DSN1: variants seen among roughly 807,000 people sequenced by gnomAD.
The protein encoded by DSN1 is DSN1 component of MIS12 kinetochore complex.
DSN1 carries 31 observed loss-of-function variants against 45.7 expected under a neutral mutation model. That is an observed-to-expected ratio of 0.68 (90% CI 0.51 to 0.92). DSN1 has a LOEUF of 0.92. Ranked by LOEUF, DSN1 falls within the 40% of genes least tolerant of loss-of-function variation. DSN1 has a pLI of 0.00. For synonymous variants in DSN1, 134 were observed against 142.3 expected, an observed-to-expected ratio of 0.94 and a Z score of 0.41; for missense variants, 394 against 414.2, an observed-to-expected ratio of 0.95 and a Z score of 0.42.
chr20:36,771,335 C>A, intron 2 of DSN1, 90 bp downstream of exon 2: 1 of 1,514,562 alleles, frequency 6.6e-7, no homozygotes, highest in Admixed American at 1.9e-5. Context: ...GTATGTGATT[C>A]CAAATCTACC....
At chr20:36,763,914 A>C (rs1378443602) in intron 5 of DSN1, among the ~76,000 whole-genome samples, 5 of 133,918 alleles carry the variant, frequency 3.7e-5, no homozygotes, top group Non-Finnish European at 6.4e-5. Context: ...AAAAAAAAGA[A>C]AGACAGAAAA....
intron 6 of DSN1, among the ~76,000 whole-genome samples, chr20:36,761,904 G>C (rs1000485227): frequency 1.3e-5 from 2 of 151,872 alleles, no homozygotes; most frequent in Non-Finnish European, 2.9e-5. Context: ...AGCTACCTGG[G>C]AGGCTGAGGC....
intron 1 of DSN1, 135 bp from the exon 2 acceptor site, chr20:36,771,608 GAATATC>G: frequency 1.4e-6 from 1 of 693,528 alleles, no homozygotes; most frequent in Non-Finnish European, 2.4e-6. Flanking sequence ...CCCTGACAGA[GAATATC>G]AGCAGGGGCC....
rs33998027 is a variant in DSN1 at position 36,765,247 on chromosome 20, TAAAA to T, written c.502+1518_502+1521del. On this transcript the variant is annotated intron_variant, in intron 5 of 10. Coordinates refer to ENST00000373750, the MANE Select transcript of DSN1 (RefSeq NM_001145315.2). ...TGCATACGTGCCAAAAGGCTTGTGT[TAAAA>T]AAAAAAAAAAAAAAAAAAAAAAGGC... Among the ~76,000 whole-genome samples the T allele has an allele frequency of 1.9e-4, 14 of 75,276 alleles. No individual in the cohort carries two copies. The Admixed American group carries it at 1.9e-3, about 10-fold the overall frequency. 49.4% of individuals were successfully genotyped at this position (75,276 alleles called of 152,430 possible). A position where few individuals can be genotyped will look rare whatever the true frequency, so the allele number is the denominator to read the frequency against.
chr20:36,760,315 C>T (rs1384017356), intron 6 of DSN1, among the ~76,000 whole-genome samples: 3 of 152,154 alleles, frequency 2.0e-5, no homozygotes, highest in Admixed American at 1.3e-4. Flanking sequence ...AAAGTCAAAA[C>T]TCCTTAACCT....
At chr20:36,758,797 C>T (rs1986814455) in intron 6 of DSN1, among the ~76,000 whole-genome samples, 180 bp from the exon 7 acceptor site, 1 of 152,192 alleles carries the variant, frequency 6.6e-6, no homozygotes, top group Non-Finnish European at 1.5e-5. Flanking sequence ...AACAGATTCT[C>T]CTGCCTTAGC....
chr20:36,752,965 G>T, intron 10 of DSN1, 68 bp from the exon 11 acceptor site: 2 of 1,294,458 alleles, frequency 1.5e-6, no homozygotes, highest in Non-Finnish European at 2.2e-6. Context: ...AAAACTTAAT[G>T]TAGGGACATT....
intron 5 of DSN1, among the ~76,000 whole-genome samples, chr20:36,763,319 C>T (rs1234061374): frequency 6.9e-6 from 1 of 145,698 alleles, no homozygotes; most frequent in Non-Finnish European, 1.5e-5. Context: ...GCAGGGGAAT[C>T]GCTTGAACCT....
At chr20:36,761,465 G>A (rs1986976829) in intron 6 of DSN1, among the ~76,000 whole-genome samples, 1 of 152,154 alleles carries the variant, frequency 6.6e-6, no homozygotes, top group Non-Finnish European at 1.5e-5. Flanking sequence ...TGGGTGTGGG[G>A]GCTCATGGCT....
intron 9 of DSN1, 101 bp downstream of exon 9, chr20:36,755,581 A>T: frequency 7.2e-7 from 1 of 1,397,228 alleles, no homozygotes; most frequent in Admixed American, 2.4e-5. Flanking sequence ...GAATATACAT[A>T]TTCAACTTAC....
intron 9 of DSN1, 114 bp downstream of exon 9, chr20:36,755,568 G>T: frequency 1.6e-6 from 2 of 1,254,896 alleles, no homozygotes; most frequent in Non-Finnish European, 2.2e-6. Context: ...CTAAGGTAGA[G>T]TTGAATATAC....
At chr20:36,753,733 G>A (rs1463277480) in intron 10 of DSN1, among the ~76,000 whole-genome samples, 1 of 151,594 alleles carries the variant, frequency 6.6e-6, no homozygotes, top group East Asian at 1.9e-4. Context: ...GAGGCTGGGA[G>A]CAGTGGCTCA....
In DSN1 at chr20:36,751,963, G is replaced by T. The variant is rs1194688183; in HGVS notation, c.*825C>A. On this transcript the variant is annotated 3_prime_UTR_variant, in exon 11 of 11. Coordinates refer to ENST00000373750, the MANE Select transcript of DSN1 (RefSeq NM_001145315.2). ...ACAGACAACAGGACATAGAGAATGAGTGGTATTTCCTTCAAATTGAACATC... is the reference window on the plus strand; with the variant it reads ...ACAGACAACAGGACATAGAGAATGATTGGTATTTCCTTCAAATTGAACATC... 1 of 152,196 alleles carries T rather than the reference G, an allele frequency of 6.6e-6. No individual in the cohort carries two copies. The highest frequency in any genetic ancestry group is 1.5e-5 in the Non-Finnish European group (1 of 68,038). 9.4% of individuals were successfully genotyped at this position (152,196 alleles called of 1,614,324 possible). A position where few individuals can be genotyped will look rare whatever the true frequency, so the allele number is the denominator to read the frequency against.
intron 4 of DSN1, 55 bp downstream of exon 4, chr20:36,767,914 T>C: frequency 6.4e-7 from 1 of 1,561,812 alleles, no homozygotes; most frequent in Non-Finnish European, 8.8e-7. Context: ...AACAAAAGAT[T>C]GTCACAATAG....
At chr20:36,765,845 C>T (rs374798474) in intron 5 of DSN1, among the ~76,000 whole-genome samples, 2 of 115,288 alleles carry the variant, frequency 1.7e-5, no homozygotes, top group South Asian at 5.6e-4. Flanking sequence ...TAGCAAAAGA[C>T]TAAAAAAAAA....
At chr20:36,766,892 G>T in intron 4 of DSN1, 51 bp from the exon 5 acceptor site, 1 of 1,314,136 alleles carries the variant, frequency 7.6e-7, no homozygotes, top group Non-Finnish European at 1.1e-6. Context: ...TTCCAGGCCA[G>T]TCCTAAATTT....
At chr20:36,761,457 G>A (rs963030997) in intron 6 of DSN1, among the ~76,000 whole-genome samples, 2 of 152,186 alleles carry the variant, frequency 1.3e-5, no homozygotes, top group African/African-American at 4.8e-5. Flanking sequence ...GAATCCGCTG[G>A]GTGTGGGGGC....
chr20:36,771,688 C>T (rs1358920001), intron 1 of DSN1, among the ~76,000 whole-genome samples: 4 of 152,242 alleles, frequency 2.6e-5, no homozygotes, highest in Non-Finnish European at 4.4e-5. Flanking sequence ...TCCCTGAACA[C>T]ATACCCTACC....
At chr20:36,765,653 C>G (rs560363430) in intron 5 of DSN1, among the ~76,000 whole-genome samples, 24 of 151,856 alleles carry the variant, frequency 1.6e-4, no homozygotes, top group African/African-American at 4.6e-4. Flanking sequence ...AAAAAATTAG[C>G]CGGGCGCAGT....
Sources: gnomAD v4.1 joint callset for allele counts (sites outside exome capture counted in the v4.1 genomes callset) on GRCh38, gnomAD v4.1.1 for gene constraint, MANE v1.5 for transcripts, NCBI Gene and HGNC (gene_info 2026-07-23, HGNC 2026-07-21) for gene names.